Variants in BPIFB1 observed in about 807,000 individuals in gnomAD.
BPIFB1 encodes BPI fold-containing family B member 1.
A neutral mutation model predicts 55.1 loss-of-function variants in BPIFB1; 34 were observed. That is an observed-to-expected ratio of 0.62 (90% CI 0.47 to 0.82). The LOEUF (loss-of-function observed/expected upper bound fraction) is 0.82, where lower values mean the gene tolerates loss of function less well. Ranked by LOEUF, BPIFB1 falls within the 40% of genes least tolerant of loss-of-function variation. The probability of loss-of-function intolerance (pLI) is 0.00; values close to 1 mark genes in which losing one functional copy is unlikely to be tolerated. For missense variants in BPIFB1, 532 were observed against 593.1 expected (o/e 0.90, Z 1.07); for synonymous variants, 236 against 245.3 (o/e 0.96, Z 0.35).
At chr20:33,299,296 C>T (rs1980766161) in intron 7 of BPIFB1, 1 of 403,724 alleles carries the variant, frequency 2.5e-6, no homozygotes. Flanking sequence ...GGTGACACAC[C>T]ACCGCCACCT....
chr20:33,303,032 TCC>T lies in BPIFB1; in HGVS notation c.1100_1101del (p.Pro367LeufsTer3), dbSNP rs1185296419. On this transcript the variant is annotated frameshift_variant, in exon 11 of 16. Coordinates refer to ENST00000253354, the MANE Select transcript of BPIFB1 (RefSeq NM_033197.3). LOFTEE classifies it high-confidence loss of function. The part of the protein sequence containing the change: ...VAQLIVLEVF[P>X]SSEALRPLFT... ...CCCAACTGATCGTGCTGGAAGTGTT[TCC>T]CTCCAGTGAAGCCCTCCGCCCTTTG... is the stretch of plus-strand genomic sequence containing the variant. 2.5e-5 allele frequency: 40 copies of T among 1,613,986 alleles called. No homozygotes were observed. Among genetic ancestry groups the T allele is most frequent in the Non-Finnish European group, 3.1e-5 (37 of 1,180,026 alleles).
At chr20:33,301,603 G>A (rs1310821187) in intron 9 of BPIFB1, among the ~76,000 whole-genome samples, 191 bp downstream of exon 9, 1 of 152,202 alleles carries the variant, frequency 6.6e-6, no homozygotes, top group East Asian at 1.9e-4. Context: ...TCCAGCCCCA[G>A]TCATGGTTCT....
chr20:33,290,898 G>A, intron 4 of BPIFB1, 59 bp from the exon 5 acceptor site: 1 of 1,584,420 alleles, frequency 6.3e-7, no homozygotes, highest in Non-Finnish European at 8.6e-7. Flanking sequence ...ACGGACGGCA[G>A]GGTTGCTCCA....
intron 6 of BPIFB1, among the ~76,000 whole-genome samples, chr20:33,294,602 G>A (rs910747261): frequency 6.6e-6 from 1 of 152,032 alleles, no homozygotes; most frequent in Non-Finnish European, 1.5e-5. Context: ...CATAAAGTAG[G>A]ACCCAGCTGT....
chr20:33,289,406 A>AC (rs1301526434), intron 3 of BPIFB1, among the ~76,000 whole-genome samples: 6 of 151,466 alleles, frequency 4.0e-5, no homozygotes, highest in African/African-American at 1.5e-4. Flanking sequence ...AAAAAAAAAA[A>AC]AACAACCCAG....
chr20:33,297,918 C>T (rs1261622627), intron 7 of BPIFB1, among the ~76,000 whole-genome samples: 2 of 152,174 alleles, frequency 1.3e-5, no homozygotes, highest in African/African-American at 2.4e-5. Context: ...TAAAATGGGG[C>T]TTAACCATCC....
rs753922874 is a variant in BPIFB1, at chr20:33,304,814, GGGGCCGCTCTCACA to G, written c.1209-29_1209-16del. The stretch of plus-strand genomic sequence containing the variant: ...TGGATGGTGAATGAGTGGGACTTCA[GGGGCCGCTCTCACA>G]GGCATCTTCCATTGCAGCTCTGATC... On this transcript the variant is annotated intron_variant, in intron 12 of 15. Coordinates refer to ENST00000253354, the MANE Select transcript of BPIFB1 (RefSeq NM_033197.3). 1 of 1,613,912 alleles carries G rather than the reference GGGGCCGCTCTCACA, an allele frequency of 6.2e-7. No individual in the cohort carries two copies. Among genetic ancestry groups the G allele is most frequent in the African/African-American group, 1.3e-5 (1 of 74,908 alleles).
chr20:33,297,229 A>C (rs1239220908), intron 6 of BPIFB1, among the ~76,000 whole-genome samples: 1 of 152,012 alleles, frequency 6.6e-6, no homozygotes, highest in African/African-American at 2.4e-5. Flanking sequence ...CCTCCATTTC[A>C]CTCTCATGGA....
chr20:33,300,371 T>C (rs13433206), intron 8 of BPIFB1, among the ~76,000 whole-genome samples: 7,801 of 152,268 alleles, frequency 0.051, 658 homozygotes, highest in African/African-American at 0.17. Context: ...TTGGGCAAGT[T>C]CCTTTACCTC....
At chr20:33,302,798 C>G in intron 10 of BPIFB1, 118 bp from the exon 11 acceptor site, 4 of 1,160,090 alleles carry the variant, frequency 3.4e-6, no homozygotes, top group Non-Finnish European at 4.9e-6. Context: ...GACAGGGTGG[C>G]TGGAACACGT....
Position 33,288,891 on chromosome 20 carries a change from A to G in BPIFB1, c.257+9A>G. 1 of 1,611,442 alleles carries G rather than the reference A, an allele frequency of 6.2e-7. No homozygotes were observed. The highest frequency in any genetic ancestry group is 8.5e-7 in the Non-Finnish European group (1 of 1,179,240). The stretch of plus-strand genomic sequence containing the variant: ...CTGAAGCACATCATCTGGTGAGTGG[A>G]GCAGGACCACACCAGGAGCTAGCCC... On this transcript the variant is annotated intron_variant, in intron 3 of 15. Transcript: ENST00000253354.
intron 3 of BPIFB1, among the ~76,000 whole-genome samples, chr20:33,289,402 A>C (rs536244110): frequency 4.7e-4 from 71 of 151,814 alleles, no homozygotes; most frequent in African/African-American, 1.4e-3. Flanking sequence ...AAACAAAAAA[A>C]AAAAAACAAC....
In BPIFB1 at chr20:33,309,636, A is replaced by T; in HGVS notation, c.1396-72A>T. 6.8e-7 allele frequency: 1 copy of T among 1,472,864 alleles called. No individual in the cohort carries two copies. The highest frequency in any genetic ancestry group is 9.5e-7 in the Non-Finnish European group (1 of 1,052,484). 91.2% of individuals were successfully genotyped at this position (1,472,864 alleles called of 1,614,324 possible). A position where few individuals can be genotyped will look rare whatever the true frequency, so the allele number is the denominator to read the frequency against. On this transcript the variant is annotated intron_variant, in intron 15 of 15. Transcript: ENST00000253354. This position sits in a 1 kb window ranked among gnomAD's most constrained non-coding sequence, Gnocchi z 4.4. ...GGTGCCAGCAGTCACCTTATGGAGGACAAAACCAGCATAAACCACAAGGCA... is the reference window on the plus strand; with the variant it reads ...GGTGCCAGCAGTCACCTTATGGAGGTCAAAACCAGCATAAACCACAAGGCA...
At chr20:33,285,666 C>T (rs1268447222) in intron 1 of BPIFB1, among the ~76,000 whole-genome samples, 1 of 148,506 alleles carries the variant, frequency 6.7e-6, no homozygotes, top group Admixed American at 6.8e-5. Context: ...TGCAGTGAGC[C>T]GAGATGGCAC....
intron 4 of BPIFB1, 70 bp downstream of exon 4, chr20:33,290,062 C>T: frequency 8.2e-7 from 1 of 1,214,552 alleles, no homozygotes; most frequent in Non-Finnish European, 1.2e-6. Flanking sequence ...CCCCCGCCCC[C>T]ACCATGCAGG....
intron 5 of BPIFB1, among the ~76,000 whole-genome samples, chr20:33,291,509 C>T (rs1980471500): frequency 6.6e-6 from 1 of 152,192 alleles, no homozygotes; most frequent in African/African-American, 2.4e-5. Context: ...TTTCCTCACC[C>T]GTAAAGTGCA....
intron 12 of BPIFB1, among the ~76,000 whole-genome samples, 190 bp from the exon 13 acceptor site, chr20:33,304,656 C>A (rs1980961231): frequency 6.6e-6 from 1 of 152,040 alleles, no homozygotes; most frequent in South Asian, 2.1e-4. Context: ...GTTTTCTGTG[C>A]CCCCTCTATG....
chr20:33,299,803 A>G (rs1980787375), intron 7 of BPIFB1, 96 bp from the exon 8 acceptor site: 2 of 662,602 alleles, frequency 3.0e-6, no homozygotes, highest in Non-Finnish European at 5.5e-6. Context: ...CTGCCCCCCC[A>G]TGCAACAGTA....
At chr20:33,297,666 G>A in intron 7 of BPIFB1, 78 bp downstream of exon 7, 1 of 1,485,812 alleles carries the variant, frequency 6.7e-7, no homozygotes, top group Non-Finnish European at 9.4e-7. Flanking sequence ...CCAAGGGAAG[G>A]CCTCCCCAAG....
Sources: allele counts gnomAD v4.1 joint callset (sites outside exome capture counted in the v4.1 genomes callset), GRCh38; gene constraint gnomAD v4.1.1; non-coding constraint Gnocchi (gnomAD v3.1); transcripts MANE v1.5; gene names NCBI Gene and HGNC (gene_info 2026-07-23, HGNC 2026-07-21).